Variants in IL23R observed in about 807,000 individuals in gnomAD.
IL23R encodes the protein interleukin 23 receptor, also known as interleukin-23 receptor.
IL23R carries 34 observed loss-of-function variants against 56.9 expected under a neutral mutation model. The observed-to-expected ratio is 0.60, with a 90% CI of 0.45 to 0.80. IL23R has a LOEUF of 0.80. Among genes scored for constraint, IL23R ranks in the 30% least tolerant of loss-of-function variants. The probability of loss-of-function intolerance (pLI) is 0.00; values close to 1 mark genes in which losing one functional copy is unlikely to be tolerated. For synonymous variants in IL23R, 230 were observed against 249.2 expected (o/e 0.92, Z 0.73); for missense variants, 635 against 730.0 (o/e 0.87, Z 1.50).
intron 4 of IL23R, among the ~76,000 whole-genome samples, chr1:67,184,593 A>G (rs1484875311): frequency 6.7e-6 from 1 of 150,038 alleles, no homozygotes; most frequent in African/African-American, 2.4e-5. Flanking sequence ...AAAATAAAAT[A>G]AAATAAAATA....
intron 9 of IL23R, among the ~76,000 whole-genome samples, chr1:67,246,479 A>G (rs61539195): frequency 0.046 from 6,936 of 152,196 alleles, 539 homozygotes; most frequent in African/African-American, 0.16. Flanking sequence ...ACACACTGCT[A>G]TAAATGTGTC....
chr1:67,248,133 A>C (rs1055857894), intron 9 of IL23R, among the ~76,000 whole-genome samples: 1 of 151,950 alleles, frequency 6.6e-6, no homozygotes, highest in African/African-American at 2.4e-5. Context: ...GGTGTTCTCT[A>C]TATTTCCTGA....
In IL23R at chr1:67,252,675, TA is replaced by T. The variant is rs528597492; in HGVS notation, c.1149-3158del. 1.3e-3 allele frequency among the ~76,000 whole-genome samples: 195 copies of T among 151,676 alleles called. 1 individual carries two copies. The highest frequency in any genetic ancestry group is 1.5e-3 in the Non-Finnish European group (100 of 67,954). ...ATATCCCGCTTCTGACACCATCTAG[TA>T]AAAGAAAAACTTCAGCCAATTTAAA... On this transcript the variant is annotated intron_variant, in intron 9 of 10. Coordinates refer to ENST00000347310, the MANE Select transcript of IL23R (RefSeq NM_144701.3).
chr1:67,202,739 A>AT (rs972649278), intron 5 of IL23R, among the ~76,000 whole-genome samples: 2 of 152,050 alleles, frequency 1.3e-5, no homozygotes, highest in African/African-American at 4.8e-5. Flanking sequence ...TGCCTGGCTA[A>AT]TTTTTTTAAA....
chr1:67,218,189 A>T (rs931412936), intron 6 of IL23R, among the ~76,000 whole-genome samples: 3 of 151,886 alleles, frequency 2.0e-5, no homozygotes. Flanking sequence ...TTTTGTGTTT[A>T]TCCCTCAGCT....
exon 1 of IL23R, chr1:67,139,147 A>C (rs1024460598): frequency 6.6e-5 from 10 of 152,318 alleles, no homozygotes; most frequent in African/African-American, 2.4e-4. Context: ...AGACCTCTTC[A>C]GCTAACATGA....
In IL23R at chr1:67,224,552, G is replaced by A. The variant is rs573085419; in HGVS notation, c.955+4822G>A. The stretch of plus-strand genomic sequence containing the variant: ...TGGGTATGGCTTGTCCTGCAGCCTC[G>A]GCATTCTTATTCTTTTCTGTTGCTT... On this transcript the variant is annotated intron_variant, in intron 7 of 10. Coordinates refer to ENST00000347310, the MANE Select transcript of IL23R (RefSeq NM_144701.3). Among the ~76,000 whole-genome samples the A allele has an allele frequency of 1.6e-4, 24 of 152,226 alleles. No individual in the cohort carries two copies. In the South Asian group the frequency reaches 4.2e-3, roughly 26 times the overall value.
intron 7 of IL23R, among the ~76,000 whole-genome samples, chr1:67,223,090 CTAAAAATACAA>C (rs1211888836): frequency 6.6e-6 from 1 of 151,966 alleles, no homozygotes; most frequent in African/African-American, 2.4e-5. Context: ...CCCGTCTCTA[CTAAAAATACAA>C]AAATTAACTG....
chr1:67,204,310 G>A (rs1966176), intron 5 of IL23R, among the ~76,000 whole-genome samples: 41,480 of 152,002 alleles, frequency 0.27, 6,681 homozygotes, highest in Admixed American at 0.41. Flanking sequence ...TGATCGGCCC[G>A]CCTCGACCTC....
chr1:67,138,694 G>C (rs1284387546), upstream of IL23R, among the ~76,000 whole-genome samples: 2 of 152,138 alleles, frequency 1.3e-5, no homozygotes, highest in Non-Finnish European at 2.9e-5. Context: ...GCAAACCCAT[G>C]GTACAGAAAG....
intron 4 of IL23R, among the ~76,000 whole-genome samples, chr1:67,187,715 T>A (rs113811273): frequency 0.011 from 1,643 of 152,318 alleles, 22 homozygotes; most frequent in Middle Eastern, 0.024. Context: ...GTTTTAGATT[T>A]AATTTCCAGT....
At position 67,225,508 on chromosome 1, in the gene IL23R, T is replaced by C. The variant is rs566374536; in HGVS notation, c.955+5778T>C. 3.4e-5 allele frequency among the ~76,000 whole-genome samples: 5 copies of C among 148,720 alleles called. No individual in the cohort carries two copies. In the South Asian group the frequency reaches 1.1e-3, roughly 32 times the overall value. On this transcript the variant is annotated intron_variant, in intron 7 of 10. Transcript: ENST00000347310. ...GTCTGTGGACAATCTACATTAAGAA[T>C]GCTTGGGCACTTTTTTTTTTTTTGA...
At chr1:67,145,175 A>T (rs1271006663) in intron 1 of IL23R, among the ~76,000 whole-genome samples, 1 of 152,068 alleles carries the variant, frequency 6.6e-6, no homozygotes, top group Non-Finnish European at 1.5e-5. Context: ...CTGAAACCCC[A>T]TTTCTACTTA....
chr1:67,211,057 A>AT (rs1317885375), intron 6 of IL23R, among the ~76,000 whole-genome samples: 1 of 152,186 alleles, frequency 6.6e-6, no homozygotes, highest in Admixed American at 6.5e-5. Context: ...CCTTACGTCA[A>AT]CTTGTTTACC....
chr1:67,237,650 A>T (rs11465812), intron 8 of IL23R, among the ~76,000 whole-genome samples: 2,092 of 152,272 alleles, frequency 0.014, 41 homozygotes, highest in African/African-American at 0.049. Flanking sequence ...CATGACTATT[A>T]TCGTATTGAT....
intron 4 of IL23R, among the ~76,000 whole-genome samples, chr1:67,190,894 C>T (rs1647688527): frequency 6.6e-6 from 1 of 152,172 alleles, no homozygotes; most frequent in African/African-American, 2.4e-5. Flanking sequence ...CACAGCTTCT[C>T]TACATGCATA....
intron 6 of IL23R, among the ~76,000 whole-genome samples, chr1:67,208,739 GA>G (rs1157585462): frequency 6.6e-6 from 1 of 152,216 alleles, no homozygotes; most frequent in Non-Finnish European, 1.5e-5. Context: ...GGGCAGTGTG[GA>G]AGCAAAATGT....
chr1:67,236,880 C>T, intron 8 of IL23R, 78 bp downstream of exon 8: 1 of 919,512 alleles, frequency 1.1e-6, no homozygotes, highest in Non-Finnish European at 1.8e-6. Flanking sequence ...GAAAAAATCA[C>T]ATCAGGTGTT....
At chr1:67,214,313 T>C (rs1649687980) in intron 6 of IL23R, among the ~76,000 whole-genome samples, 1 of 152,244 alleles carries the variant, frequency 6.6e-6, no homozygotes. Flanking sequence ...ATGTGGTCTT[T>C]AAAGTGATGT....
Sources: gnomAD v4.1 joint callset for allele counts (sites outside exome capture counted in the v4.1 genomes callset) on GRCh38, gnomAD v4.1.1 for gene constraint, MANE v1.5 for transcripts, NCBI Gene and HGNC (gene_info 2026-07-23, HGNC 2026-07-21) for gene names.